The following ESRRG variants were observed in gnomAD, a reference collection of about 807,000 sequenced individuals.
ESRRG encodes estrogen related receptor gamma.
ESRRG carries 13 observed loss-of-function variants against 44.0 expected under a neutral mutation model. That is an observed-to-expected ratio of 0.30 (90% confidence interval 0.19 to 0.47). ESRRG has a LOEUF of 0.47. Ranked by LOEUF, ESRRG falls within the 20% of genes least tolerant of loss-of-function variation. The pLI is 1.00. For synonymous variants in ESRRG, 215 were observed against 214.6 expected, an observed-to-expected ratio of 1.00 and a Z score of -0.02; for missense variants, 395 against 580.6, an observed-to-expected ratio of 0.68 and a Z score of 3.29.
At chr1:216,579,623 A>G (rs188657954) in intron 3 of ESRRG, among the ~76,000 whole-genome samples, 3 of 152,300 alleles carry the variant, frequency 2.0e-5, no homozygotes, top group Admixed American at 2.0e-4. Flanking sequence ...GTAACAAGTC[A>G]TGAATTTCCT....
chr1:217,091,760 C>T (rs191682106), upstream of ESRRG, among the ~76,000 whole-genome samples: 224 of 152,270 alleles, frequency 1.5e-3, 2 homozygotes, highest in African/African-American at 5.1e-3. Context: ...GGGCAAAGGC[C>T]TATTGAGAAC....
intron 5 of ESRRG, among the ~76,000 whole-genome samples, chr1:216,532,672 A>T (rs1302086943): frequency 1.3e-5 from 2 of 152,158 alleles, no homozygotes; most frequent in Non-Finnish European, 2.9e-5. Flanking sequence ...TAAATGCCTC[A>T]ACAAGAGAAT....
intron 1 of ESRRG, among the ~76,000 whole-genome samples, chr1:217,017,152 C>T (rs545003920): frequency 1.5e-4 from 23 of 152,230 alleles, no homozygotes; most frequent in African/African-American, 5.3e-4. Context: ...AGACAGTTAG[C>T]TTATCCAATG....
chr1:216,676,968 G>T, intron 2 of ESRRG, 108 bp downstream of exon 2: 1 of 766,944 alleles, frequency 1.3e-6, no homozygotes, highest in Non-Finnish European at 2.1e-6. Flanking sequence ...CTACTCAAGA[G>T]AGAATTAAAA....
At chr1:217,026,728 A>G (rs185537613) in intron 1 of ESRRG, among the ~76,000 whole-genome samples, 10 of 152,274 alleles carry the variant, frequency 6.6e-5, no homozygotes, top group Admixed American at 5.9e-4. Flanking sequence ...ACATACTGTT[A>G]CACACAAATA....
chr1:216,584,921 TG>T (rs2063483304), intron 3 of ESRRG, among the ~76,000 whole-genome samples: 2 of 152,322 alleles, frequency 1.3e-5, no homozygotes, highest in Admixed American at 1.3e-4. Context: ...TGCTAAATGA[TG>T]GTAAGTATTA....
intron 1 of ESRRG, among the ~76,000 whole-genome samples, chr1:216,986,453 C>T (rs1426144747): frequency 1.3e-5 from 2 of 152,022 alleles, no homozygotes; most frequent in Admixed American, 6.5e-5. Context: ...GTGGCTCATG[C>T]CTCTAATCCC....
intron 1 of ESRRG, among the ~76,000 whole-genome samples, chr1:216,987,778 T>C (rs1243279028): frequency 1.3e-5 from 2 of 152,266 alleles, no homozygotes; most frequent in East Asian, 3.9e-4. Context: ...AAAGGCATTC[T>C]CTGGCCACTA....
intron 1 of ESRRG, among the ~76,000 whole-genome samples, chr1:217,080,671 G>GTTTTTTTTT (rs34598045): frequency 4.6e-5 from 3 of 65,244 alleles, no homozygotes; most frequent in African/African-American, 1.9e-4. Context: ...TGTTTTTTTG[G>GTTTTTTTTT]TTTTTTTTTT....
At chr1:216,713,292 A>G (rs913814909) in intron 1 of ESRRG, among the ~76,000 whole-genome samples, 5 of 151,846 alleles carry the variant, frequency 3.3e-5, no homozygotes, top group African/African-American at 4.8e-5. Flanking sequence ...AAGATGGACT[A>G]TTACTTGGAC....
intron 2 of ESRRG, among the ~76,000 whole-genome samples, chr1:216,775,310 T>A (rs2093560726): frequency 6.6e-6 from 1 of 152,020 alleles, no homozygotes; most frequent in Non-Finnish European, 1.5e-5. Context: ...AATTCACTCA[T>A]TTCGTCACTT....
intron 2 of ESRRG, among the ~76,000 whole-genome samples, chr1:216,734,055 A>T (rs898353335): frequency 8.0e-5 from 12 of 150,514 alleles, no homozygotes; most frequent in African/African-American, 2.9e-4. Context: ...AAGGGGCACC[A>T]GGCAGAATCA....
At chr1:216,928,368 A>C (rs1421452168) in intron 2 of ESRRG, among the ~76,000 whole-genome samples, 4 of 152,072 alleles carry the variant, frequency 2.6e-5, no homozygotes, top group Non-Finnish European at 5.9e-5. Flanking sequence ...CCTCCATTTC[A>C]ATAACAAGGG....
At chr1:216,911,442 G>A (rs1260604816) in intron 2 of ESRRG, among the ~76,000 whole-genome samples, 1 of 152,202 alleles carries the variant, frequency 6.6e-6, no homozygotes, top group African/African-American at 2.4e-5. Context: ...GTTGGGCAAG[G>A]AGGAGGGAAG....
At chr1:216,970,975 A>G (rs1387723612) in intron 1 of ESRRG, among the ~76,000 whole-genome samples, 1 of 152,200 alleles carries the variant, frequency 6.6e-6, no homozygotes, top group Non-Finnish European at 1.5e-5. Context: ...AAATAGACAG[A>G]AAGGTCACCC....
chr1:216,649,277 G>A (rs915283730), intron 3 of ESRRG, among the ~76,000 whole-genome samples: 3 of 152,028 alleles, frequency 2.0e-5, no homozygotes, highest in African/African-American at 7.2e-5. Flanking sequence ...TCAGCAAAAG[G>A]ATTACAAACG....
At chr1:216,891,864 A>G (rs542510790) in intron 2 of ESRRG, among the ~76,000 whole-genome samples, 11 of 134,600 alleles carry the variant, frequency 8.2e-5, no homozygotes, top group Non-Finnish European at 1.7e-4. Flanking sequence ...CAGTGGCACC[A>G]TCTCAGCTCC....
At chr1:216,817,679 T>A (rs932665117) in intron 2 of ESRRG, among the ~76,000 whole-genome samples, 2 of 152,208 alleles carry the variant, frequency 1.3e-5, no homozygotes, top group African/African-American at 4.8e-5. Flanking sequence ...TATATATTCA[T>A]CATCCTGAAA....
chr1:216,924,529 T>A (rs1259287816), intron 2 of ESRRG, among the ~76,000 whole-genome samples: 1 of 152,158 alleles, frequency 6.6e-6, no homozygotes, highest in East Asian at 1.9e-4. Context: ...TTAGAGCAGA[T>A]AATAAAATCC....
Sources: allele counts gnomAD v4.1 joint callset (sites outside exome capture counted in the v4.1 genomes callset), GRCh38; gene constraint gnomAD v4.1.1; transcripts MANE v1.5; gene names NCBI Gene and HGNC (gene_info 2026-07-23, HGNC 2026-07-21).